MYH16: variants seen among roughly 807,000 people sequenced by gnomAD.
The protein encoded by MYH16 is putative uncharacterized protein MYH16.
At chr7:99,246,660 C>T (rs1251595598) in intron 2 of MYH16, among the ~76,000 whole-genome samples, 1 of 151,982 alleles carries the variant, frequency 6.6e-6, no homozygotes, top group African/African-American at 2.4e-5. Flanking sequence ...CCAGATGGCA[C>T]CATTGCACTC....
Position 99,296,689 on chromosome 7 carries a change from A to C in MYH16, n.4283-12A>C, listed in dbSNP as rs1422635558. The C allele has an allele frequency of 2.2e-6, 1 of 455,076 alleles. No individual in the cohort carries two copies. Among genetic ancestry groups the C allele is most frequent in the African/African-American group, 2.0e-5 (1 of 49,980 alleles). 28.2% of individuals were successfully genotyped at this position (455,076 alleles called of 1,614,324 possible). A position where few individuals can be genotyped will look rare whatever the true frequency, so the allele number is the denominator to read the frequency against. On this transcript the variant is annotated splice_polypyrimidine_tract_variant and intron_variant and non_coding_transcript_variant, in intron 33 of 41. Transcript: ENST00000439784. ...GGTTGGACCCCTAGAGGCCATTTCCAACTTTCCCTAGGCCAATGCTGCAGC... is the reference window on the plus strand; with the variant it reads ...GGTTGGACCCCTAGAGGCCATTTCCCACTTTCCCTAGGCCAATGCTGCAGC...
intron 26 of MYH16, 42 bp downstream of exon 8, chr7:99,284,977 G>A (rs1178208248): frequency 8.8e-6 from 4 of 455,934 alleles, no homozygotes; most frequent in African/African-American, 6.0e-5. Flanking sequence ...TGTCAGAAAT[G>A]CACTTCTCTG....
chr7:99,243,793 TCATCCATCCATCCATC>T (rs773793560), intron 2 of MYH16, among the ~76,000 whole-genome samples: 2 of 150,390 alleles, frequency 1.3e-5, no homozygotes, highest in Non-Finnish European at 1.5e-5. Context: ...ATCCATTCAT[TCATCCATCCATCCATC>T]CATCCATTCA....
exon 26 of MYH16, chr7:99,284,898 T>A: frequency 6.6e-6 from 3 of 456,684 alleles, no homozygotes; most frequent in South Asian, 4.6e-5. Flanking sequence ...GAGCAGTCTC[T>A]GAATTCCACG....
chr7:99,239,647 A>C (rs542381719), intron 1 of MYH16, among the ~76,000 whole-genome samples: 1 of 152,346 alleles, frequency 6.6e-6, no homozygotes, highest in East Asian at 1.9e-4. Context: ...CAGGGATCCA[A>C]CCTGGCTTGT....
chr7:99,274,094 C>T (rs1220502946), intron 20 of MYH16, among the ~76,000 whole-genome samples: 1 of 152,202 alleles, frequency 6.6e-6, no homozygotes, highest in East Asian at 1.9e-4. Context: ...TGGCTTAGAG[C>T]TGGGGGAACC....
intron 19 of MYH16, among the ~76,000 whole-genome samples, chr7:99,271,488 G>A (rs922410828): frequency 2.0e-5 from 3 of 152,092 alleles, no homozygotes; most frequent in African/African-American, 4.8e-5. Context: ...CAGCCTGGGC[G>A]ACAGAAGCAA....
exon 33 of MYH16, chr7:99,294,139 G>A (rs753987976): frequency 5.3e-5 from 24 of 455,566 alleles, no homozygotes; most frequent in Non-Finnish European, 9.3e-5. Flanking sequence ...CCTCACCATC[G>A]ACTTGGAGAA....
At chr7:99,301,095 T>C (rs1792586627) in intron 37 of MYH16, among the ~76,000 whole-genome samples, 1 of 144,014 alleles carries the variant, frequency 6.9e-6, no homozygotes, top group Non-Finnish European at 1.5e-5. Flanking sequence ...CTTGGGAAGG[T>C]GAGGCAGGAG....
intron 18 of MYH16, among the ~76,000 whole-genome samples, chr7:99,268,275 G>A (rs544258602): frequency 1.3e-5 from 2 of 152,300 alleles, no homozygotes; most frequent in African/African-American, 4.8e-5. Context: ...GAATAATTGA[G>A]CTGGAAAGAA....
chr7:99,276,516 A>G (rs1446966040), intron 20 of MYH16, among the ~76,000 whole-genome samples: 1 of 152,230 alleles, frequency 6.6e-6, no homozygotes, highest in Admixed American at 6.5e-5. Context: ...GACCGGACGG[A>G]GCCTGGCGCT....
At chr7:99,306,346 TG>T (rs758033977) in intron 41 of MYH16, among the ~76,000 whole-genome samples, 10 of 151,982 alleles carry the variant, frequency 6.6e-5, no homozygotes, top group Non-Finnish European at 1.2e-4. Flanking sequence ...CTGGCCAACA[TG>T]GTGAAACCCA....
chr7:99,304,940 C>T (rs893821569), intron 40 of MYH16, among the ~76,000 whole-genome samples, 184 bp downstream of exon 21: 1 of 152,112 alleles, frequency 6.6e-6, no homozygotes, highest in Non-Finnish European at 1.5e-5. Flanking sequence ...AATCCTAATA[C>T]TTTAGGAGGC....
chr7:99,290,504 AAAAAT>A (rs1792355266), intron 30 of MYH16, among the ~76,000 whole-genome samples: 1 of 144,862 alleles, frequency 6.9e-6, no homozygotes, highest in Admixed American at 7.0e-5. Context: ...AAAAAAAAAA[AAAAAT>A]CAATATCCAG....
At chr7:99,298,529 G>A (rs746427596) in intron 36 of MYH16, among the ~76,000 whole-genome samples, 14 of 152,138 alleles carry the variant, frequency 9.2e-5, no homozygotes, top group African/African-American at 2.9e-4. Context: ...CATCGTGCCC[G>A]GCCTATGAAC....
chr7:99,296,363 A>G (rs1792491877), intron 33 of MYH16, among the ~76,000 whole-genome samples: 1 of 152,142 alleles, frequency 6.6e-6, no homozygotes. Context: ...AGTGAAATAT[A>G]TTAAGGGGAG....
chr7:99,297,681 A>G, exon 35 of MYH16: 1 of 456,560 alleles, frequency 2.2e-6, no homozygotes, highest in Non-Finnish European at 4.4e-6. Flanking sequence ...GATCTCATTG[A>G]TCAGCTGGGT....
intron 11 of MYH16, among the ~76,000 whole-genome samples, chr7:99,259,973 C>T (rs1791921679): frequency 6.6e-6 from 1 of 151,866 alleles, no homozygotes. Context: ...GCCTCTGCCT[C>T]TGTAGGGGAG....
intron 28 of MYH16, among the ~76,000 whole-genome samples, chr7:99,286,790 C>T (rs1792285028): frequency 7.1e-6 from 1 of 141,694 alleles, no homozygotes; most frequent in South Asian, 2.1e-4. Context: ...AAAAGCCCAT[C>T]TCTCAAAAAA....
Sources: gnomAD v4.1 joint callset for allele counts (sites outside exome capture counted in the v4.1 genomes callset) on GRCh38, gnomAD v4.1.1 for gene constraint, MANE v1.5 for transcripts, NCBI Gene and HGNC (gene_info 2026-07-23, HGNC 2026-07-21) for gene names.